Variants in POLR2B observed in about 807,000 individuals in gnomAD.
POLR2B encodes DNA-directed RNA polymerase II subunit RPB2.
POLR2B carries 57 observed loss-of-function variants against 144.6 expected under a neutral mutation model. The observed-to-expected ratio is 0.39, with a 90% CI of 0.32 to 0.49. The LOEUF is 0.49. POLR2B is among the 20% of genes least tolerant of loss of function. The probability of loss-of-function intolerance (pLI) is 0.83; values close to 1 mark genes in which losing one functional copy is unlikely to be tolerated. For missense variants in POLR2B, 595 were observed against 1,467.4 expected, an observed-to-expected ratio of 0.41 and a Z score of 9.71; for synonymous variants, 442 against 469.8, an observed-to-expected ratio of 0.94 and a Z score of 0.77.
Position 56,999,970 on chromosome 4 carries a change from A to G in POLR2B, c.900+189A>G, listed in dbSNP as rs537712983. Among the ~76,000 whole-genome samples the G allele has an allele frequency of 4.8e-4, 73 of 152,336 alleles. 1 individual carries two copies. Among genetic ancestry groups the G allele is most frequent in the Admixed American group, 4.2e-3 (65 of 15,302 alleles). ...TCTCTTTTCTGACAGTTTGTTGTAA[A>G]ATAGACATGAAAACCAGAGGCAGCT... On this transcript the variant is annotated intron_variant, in intron 7 of 24. Coordinates refer to ENST00000314595, the MANE Select transcript of POLR2B (RefSeq NM_000938.3).
At position 57,023,917 on chromosome 4, in the gene POLR2B, C is replaced by A; in HGVS notation, c.2857-88C>A. On this transcript the variant is annotated intron_variant, in intron 20 of 24. Coordinates refer to ENST00000314595, the MANE Select transcript of POLR2B (RefSeq NM_000938.3). The surrounding 1 kb of genome is among the most constrained non-coding windows in gnomAD (Gnocchi z 4.3). ...TACCATGTTTAAACAGAATTTGGGA[C>A]ATACAGTAATTCAGTTGGGAGAACT... The A allele has an allele frequency of 1.2e-6, 1 of 818,286 alleles. No individual in the cohort carries two copies. Among genetic ancestry groups the A allele is most frequent in the Non-Finnish European group, 2.0e-6 (1 of 505,922 alleles). 50.7% of individuals were successfully genotyped at this position (818,286 alleles called of 1,614,324 possible).
At chr4:57,021,269 A>G (rs898140679) in intron 17 of POLR2B, among the ~76,000 whole-genome samples, 6 of 152,254 alleles carry the variant, frequency 3.9e-5, no homozygotes, top group Admixed American at 3.3e-4. Context: ...GAATCCATAG[A>G]TAACTATTGT....
intron 23 of POLR2B, 74 bp downstream of exon 23, chr4:57,025,611 A>T: frequency 1.0e-6 from 1 of 960,018 alleles, no homozygotes; most frequent in Non-Finnish European, 1.6e-6. Context: ...CAAAATGGAG[A>T]TAGTGGTATA....
intron 22 of POLR2B, 144 bp downstream of exon 22, chr4:57,025,143 A>G (rs1037225353): frequency 1.6e-6 from 1 of 621,986 alleles, no homozygotes; most frequent in Non-Finnish European, 2.8e-6. Context: ...CACAAAGTAA[A>G]CACAGCTGCA....
chr4:56,979,349 C>G (rs750133295), intron 1 of POLR2B, among the ~76,000 whole-genome samples: 3 of 149,864 alleles, frequency 2.0e-5, no homozygotes, highest in African/African-American at 4.9e-5. Flanking sequence ...TCCTTAAAGC[C>G]ACAGTCGACT....
Position 56,997,936 on chromosome 4 carries a change from C to T in POLR2B, c.736-1681C>T, listed in dbSNP as rs186378395. ...ATGTGCATTCTTTGTCGAGAGGCATCGGCCTGGATGACAGAGGGCAAAGAC... is the reference window on the plus strand; with the variant it reads ...ATGTGCATTCTTTGTCGAGAGGCATTGGCCTGGATGACAGAGGGCAAAGAC... On this transcript the variant is annotated intron_variant, in intron 6 of 24. Coordinates refer to ENST00000314595, the MANE Select transcript of POLR2B (RefSeq NM_000938.3). 1.1e-3 allele frequency among the ~76,000 whole-genome samples: 168 copies of T among 152,222 alleles called. 3 individuals are homozygous for T. The highest frequency in any genetic ancestry group is 0.011 in the Admixed American group (166 of 15,288).
chr4:56,991,448 T>A (rs1182500720), intron 3 of POLR2B, among the ~76,000 whole-genome samples: 4 of 152,186 alleles, frequency 2.6e-5, no homozygotes, highest in Admixed American at 2.0e-4. Context: ...ATAAGAAGGA[T>A]GTAGTCCAAA....
chr4:57,008,646 T>C (rs1488208029), intron 10 of POLR2B, among the ~76,000 whole-genome samples: 1 of 152,210 alleles, frequency 6.6e-6, no homozygotes, highest in Non-Finnish European at 1.5e-5. Flanking sequence ...GTAACTGTTA[T>C]AATAAGAGAT....
At chr4:56,998,994 C>T (rs1054593760) in intron 6 of POLR2B, among the ~76,000 whole-genome samples, 1 of 152,024 alleles carries the variant, frequency 6.6e-6, no homozygotes, top group Non-Finnish European at 1.5e-5. Context: ...ATGATTAAAA[C>T]TGAGAAGTCA....
rs1723522102 is a variant in POLR2B, at chr4:57,020,936, A to T, written c.2361A>T (p.Gly787=). Residue 787 remains glycine, a synonymous_variant, in exon 17 of 25, where the codon GGA becomes GGT. Transcript: ENST00000314595. ...NSIVAIASYT[G]YNQEDSVIMN... is the part of the protein sequence containing the mutation. ...TTGTGGCCATTGCATCATACACTGG[A>T]TATAATCAGGAAGACTCTGTTATCA... The T allele has an allele frequency of 6.2e-7, 1 of 1,606,446 alleles. No individual in the cohort carries two copies. The highest frequency in any genetic ancestry group is 8.5e-7 in the Non-Finnish European group (1 of 1,172,976).
At chr4:56,993,303 A>G (rs1722579607) in intron 3 of POLR2B, among the ~76,000 whole-genome samples, 1 of 151,980 alleles carries the variant, frequency 6.6e-6, no homozygotes, top group African/African-American at 2.4e-5. Context: ...ACCCTGTCTC[A>G]AACAAAACAA....
intron 3 of POLR2B, 116 bp downstream of exon 3, chr4:56,991,014 C>A: frequency 1.5e-6 from 1 of 684,416 alleles, no homozygotes; most frequent in Non-Finnish European, 2.3e-6. Context: ...TAGCAAAGTA[C>A]TTACAGCACC....
At position 57,015,727 on chromosome 4, in the gene POLR2B, CT is replaced by C. The variant is rs557709227; in HGVS notation, c.1955+78del. The C allele has an allele frequency of 3.6e-3, 2,168 of 605,896 alleles. 10 individuals are homozygous for C. The highest frequency in any genetic ancestry group is 4.9e-3 in the Admixed American group (146 of 29,832). The allele number at this position is 605,896 out of a possible 1,614,324, so 37.5% of individuals were successfully genotyped here. On this transcript the variant is annotated intron_variant, in intron 14 of 24. Coordinates refer to ENST00000314595, the MANE Select transcript of POLR2B (RefSeq NM_000938.3). ...AGAATTTACATACTGTAAAATTAACCTTTTTTTATTTTTTATATTTTTATTT... is the reference window on the plus strand; with the variant it reads ...AGAATTTACATACTGTAAAATTAACCTTTTTTATTTTTTATATTTTTATTT...
In POLR2B at chr4:57,023,493, C is replaced by CAGA; in HGVS notation, c.2680_2681insGAA (p.Ser893_Thr894insArg). On this transcript the variant is annotated inframe_insertion, in exon 19 of 25. Transcript: ENST00000314595. The surrounding 1 kb of genome is among the most constrained non-coding windows in gnomAD (Gnocchi z 4.3). ...GACGCTATACCAAGAGAGACTGTAGCACTTTTCTCAGAACTAGCGAGACGG... is the reference window on the plus strand; with the variant it reads ...GACGCTATACCAAGAGAGACTGTAGCAGAACTTTTCTCAGAACTAGCGAGACGG... The CAGA allele has an allele frequency of 6.2e-7, 1 of 1,613,618 alleles. No individual in the cohort carries two copies. The highest frequency in any genetic ancestry group is 8.5e-7 in the Non-Finnish European group (1 of 1,179,528).
rs1553910801 is a variant in POLR2B at position 57,005,584 on chromosome 4, T to TTCTTTC, written c.1098-15_1098-14insCTTTCT. 1.2e-5 allele frequency: 17 copies of TTCTTTC among 1,458,048 alleles called. No homozygotes were observed. The highest frequency in any genetic ancestry group is 7.8e-5 in the South Asian group (6 of 77,386). 90.3% of individuals were successfully genotyped at this position (1,458,048 alleles called of 1,614,324 possible). ...GTGTTTTCCCTCTTTCTTTCTTTCT[T>TTCTTTC]TTTTTTTTTTTAAAGATACATGGTT... On this transcript the variant is annotated splice_polypyrimidine_tract_variant and intron_variant, in intron 8 of 24. Coordinates refer to ENST00000314595, the MANE Select transcript of POLR2B (RefSeq NM_000938.3).
intron 2 of POLR2B, chr4:56,986,769 TGGTGATAGAGTGAGACCC>T (rs1722348107): frequency 5.9e-6 from 1 of 169,080 alleles, no homozygotes; most frequent in East Asian, 1.6e-4. Flanking sequence ...ACTCCAGTCT[TGGTGATAGAGTGAGACCC>T]TGTTTCCAAA....
intron 6 of POLR2B, among the ~76,000 whole-genome samples, chr4:56,999,054 A>G (rs1344046197): frequency 6.6e-6 from 1 of 152,192 alleles, no homozygotes; most frequent in Non-Finnish European, 1.5e-5. Context: ...TATGCGTACA[A>G]TTAAAGAGGG....
chr4:56,999,931 C>A, intron 7 of POLR2B, 150 bp downstream of exon 7: 1 of 527,274 alleles, frequency 1.9e-6, no homozygotes, highest in Non-Finnish European at 3.2e-6. Flanking sequence ...TGAAAGCTTT[C>A]AGCCCTGCCT....
At chr4:56,980,711 T>G (rs1359426590) in intron 1 of POLR2B, among the ~76,000 whole-genome samples, 1 of 152,060 alleles carries the variant, frequency 6.6e-6, no homozygotes, top group African/African-American at 2.4e-5. Flanking sequence ...CAAGTTAAAG[T>G]GTCACGTCTC....
Sources: gnomAD v4.1 joint callset for allele counts (sites outside exome capture counted in the v4.1 genomes callset) on GRCh38, gnomAD v4.1.1 for gene constraint, Gnocchi (gnomAD v3.1) non-coding constraint, MANE v1.5 for transcripts, NCBI Gene and HGNC (gene_info 2026-07-23, HGNC 2026-07-21) for gene names.